PAMR1: variants seen among roughly 807,000 people sequenced by gnomAD.
The protein encoded by PAMR1 is inactive serine protease PAMR1.
PAMR1 carries 88 observed loss-of-function variants against 81.8 expected under a neutral mutation model. That is an observed-to-expected ratio of 1.08 (90% CI 0.91 to 1.28). The LOEUF (loss-of-function observed/expected upper bound fraction) is 1.28, where lower values mean the gene tolerates loss of function less well. PAMR1 is among the 50% of genes most tolerant of loss of function. PAMR1 has a pLI of 0.00. For missense variants in PAMR1, 935 were observed against 919.7 expected (o/e 1.02, Z -0.21); for synonymous variants, 336 against 345.3 (o/e 0.97, Z 0.30).
At chr11:35,467,260 C>G (rs1223613250) in intron 6 of PAMR1, among the ~76,000 whole-genome samples, 1 of 152,164 alleles carries the variant, frequency 6.6e-6, no homozygotes, top group Non-Finnish European at 1.5e-5. Flanking sequence ...TCCCACACCC[C>G]TATAAGCTTC....
intron 1 of PAMR1, among the ~76,000 whole-genome samples, chr11:35,521,689 T>A (rs1851282036): frequency 6.6e-6 from 1 of 152,184 alleles, no homozygotes; most frequent in Admixed American, 6.5e-5. Context: ...CCCTGCTTCA[T>A]GTGCATCCTG....
At chr11:35,528,466 A>AAGTGTTCTT, upstream of PAMR1, among the ~76,000 whole-genome samples, 1 of 152,194 alleles carries the variant, frequency 6.6e-6, no homozygotes, top group Non-Finnish European at 1.5e-5. Flanking sequence ...TTCTCTGCAA[A>AAGTGTTCTT]TTTATTGTTC....
At chr11:35,497,144 A>G (rs997668073) in intron 1 of PAMR1, among the ~76,000 whole-genome samples, 8 of 152,202 alleles carry the variant, frequency 5.3e-5, no homozygotes, top group African/African-American at 1.7e-4. Context: ...CCAGCCTGGG[A>G]AACAGACCAA....
At position 35,525,447 on chromosome 11, in the gene PAMR1, C is replaced by A. The variant is rs989919687; in HGVS notation, c.73+66G>T. On this transcript the variant is annotated intron_variant, in intron 1 of 10. Coordinates refer to ENST00000619888, the MANE Select transcript of PAMR1 (RefSeq NM_001001991.3). The stretch of plus-strand genomic sequence containing the variant: ...ACTCCCAGTCCTGCTCCCAGGCAGA[C>A]CCCAGGAGGAAAATGCTCCCTCCTA... 8 of 1,354,550 alleles carry A rather than the reference C, an allele frequency of 5.9e-6. 1 individual carries two copies. In the South Asian group the frequency reaches 7.3e-5, roughly 12 times the overall value. The allele number at this position is 1,354,550 out of a possible 1,614,324, so 83.9% of individuals were successfully genotyped here. A position where few individuals can be genotyped will look rare whatever the true frequency, so the allele number is the denominator to read the frequency against.
intron 6 of PAMR1, among the ~76,000 whole-genome samples, chr11:35,444,237 G>T (rs1020741373): frequency 2.0e-5 from 3 of 152,066 alleles, no homozygotes; most frequent in Non-Finnish European, 2.9e-5. Flanking sequence ...GTAGACTCTG[G>T]ATATTAGACC....
intron 1 of PAMR1, among the ~76,000 whole-genome samples, chr11:35,508,312 T>A (rs1851010154): frequency 6.6e-6 from 1 of 152,098 alleles, no homozygotes; most frequent in African/African-American, 2.4e-5. Flanking sequence ...GAGAGGGACA[T>A]TATGGATATG....
At chr11:35,508,069 G>A (rs1485686620) in intron 1 of PAMR1, among the ~76,000 whole-genome samples, 1 of 152,158 alleles carries the variant, frequency 6.6e-6, no homozygotes, top group Non-Finnish European at 1.5e-5. Context: ...AATTTCCAGG[G>A]CTGTGGATGG....
chr11:35,525,724 C>G (rs1851375489), upstream of PAMR1: 3 of 690,712 alleles, frequency 4.3e-6, no homozygotes, highest in Non-Finnish European at 7.7e-6. Context: ...CCAGGCTCTC[C>G]CATCCTCATC....
chr11:35,509,906 T>C (rs1590392212), intron 1 of PAMR1, among the ~76,000 whole-genome samples: 1 of 152,336 alleles, frequency 6.6e-6, no homozygotes, highest in South Asian at 2.1e-4. Flanking sequence ...TTATGAAAGC[T>C]GCAAATAAAT....
chr11:35,505,918 A>T (rs903992393), intron 1 of PAMR1, among the ~76,000 whole-genome samples: 2 of 151,904 alleles, frequency 1.3e-5, no homozygotes, highest in Non-Finnish European at 2.9e-5. Flanking sequence ...CATGTAACTC[A>T]TCTCTTCCTT....
intron 1 of PAMR1, among the ~76,000 whole-genome samples, chr11:35,501,142 T>C (rs558109035): frequency 0.011 from 1,634 of 151,302 alleles, 34 homozygotes; most frequent in African/African-American, 0.038. Context: ...TCTTTTTTTT[T>C]TTTTTTGAGA....
At chr11:35,481,428 T>G (rs1156845400) in intron 3 of PAMR1, among the ~76,000 whole-genome samples, 1 of 152,210 alleles carries the variant, frequency 6.6e-6, no homozygotes, top group East Asian at 1.9e-4. Flanking sequence ...TCTCATTGTG[T>G]TTTTAATTTG....
At chr11:35,483,448 T>C (rs1024892510) in intron 3 of PAMR1, among the ~76,000 whole-genome samples, 1 of 152,068 alleles carries the variant, frequency 6.6e-6, no homozygotes, top group African/African-American at 2.4e-5. Flanking sequence ...ATAAAATACT[T>C]GGTGGAGAGG....
upstream of PAMR1, chr11:35,526,024 T>C (rs2118967): frequency 0.1 from 19,433 of 190,076 alleles, 1,177 homozygotes; most frequent in South Asian, 0.14. Context: ...GGGAGCTGGC[T>C]TTGCCCTCTC....
chr11:35,515,051 A>G (rs1471625491), intron 1 of PAMR1, among the ~76,000 whole-genome samples: 8 of 152,246 alleles, frequency 5.3e-5, no homozygotes, highest in Admixed American at 4.6e-4. Context: ...CAAATATTAT[A>G]TCAATCAAAG....
At chr11:35,462,677 C>T (rs1410031026) in intron 6 of PAMR1, among the ~76,000 whole-genome samples, 1 of 152,142 alleles carries the variant, frequency 6.6e-6, no homozygotes, top group Non-Finnish European at 1.5e-5. Flanking sequence ...CAACTCAGTG[C>T]CTTATGTGGA....
chr11:35,492,672 A>G (rs904965057), intron 2 of PAMR1, among the ~76,000 whole-genome samples: 3 of 152,206 alleles, frequency 2.0e-5, no homozygotes, highest in African/African-American at 7.2e-5. Flanking sequence ...GAATTTCATA[A>G]TAGACAGTAA....
chr11:35,480,851 C>T (rs996383166), intron 3 of PAMR1, among the ~76,000 whole-genome samples: 3 of 152,262 alleles, frequency 2.0e-5, no homozygotes, highest in Non-Finnish European at 2.9e-5. Context: ...TTCTCCCTCC[C>T]CTCACTCCCC....
chr11:35,481,493 A>C (rs1271893729), intron 3 of PAMR1, among the ~76,000 whole-genome samples: 1 of 142,678 alleles, frequency 7.0e-6, no homozygotes, highest in Non-Finnish European at 1.6e-5. Flanking sequence ...TGTTGGCTGC[A>C]TAAATGTCTT....
Sources: allele counts gnomAD v4.1 joint callset (sites outside exome capture counted in the v4.1 genomes callset), GRCh38; gene constraint gnomAD v4.1.1; transcripts MANE v1.5; gene names NCBI Gene and HGNC (gene_info 2026-07-23, HGNC 2026-07-21).